The following RPL18 variants were observed in gnomAD, a reference collection of about 807,000 sequenced individuals.
The protein encoded by RPL18 is large ribosomal subunit protein eL18.
In RPL18, 4 loss-of-function variants were observed where a neutral mutation model predicts 25.0. The ratio of observed to expected loss-of-function variants is 0.16; its 90% CI spans 0.08 to 0.37. The LOEUF is 0.37. Among genes scored for constraint, RPL18 ranks in the 10% least tolerant of loss-of-function variants. RPL18 has a pLI of 1.00. For synonymous variants in RPL18, 129 were observed against 101.6 expected (o/e 1.27, Z -1.62); for missense variants, 179 against 267.9 (o/e 0.67, Z 2.32).
chr19:48,619,010 G>C, intron 1 of RPL18, 131 bp downstream of exon 1: 1 of 936,400 alleles, frequency 1.1e-6, no homozygotes. Context: ...CCCAGAGTAG[G>C]TCCCCAGTAT....
intron 4 of RPL18, chr19:48,616,500 T>G: frequency 1.4e-6 from 1 of 699,224 alleles, no homozygotes; most frequent in Admixed American, 2.0e-5. Context: ...GGGCCAGCAC[T>G]AACAGTTTAC....
intron 2 of RPL18, 82 bp downstream of exon 2, chr19:48,617,709 G>C: frequency 9.2e-7 from 1 of 1,091,710 alleles, no homozygotes; most frequent in Non-Finnish European, 1.4e-6. Context: ...CCTGGGAGGA[G>C]CTTGGTGCCA....
rs995436122 is a variant in RPL18 at position 48,618,997 on chromosome 19, G to A, written c.3+144C>T. On this transcript the variant is annotated intron_variant, in intron 1 of 6. Coordinates refer to ENST00000549920, the MANE Select transcript of RPL18 (RefSeq NM_000979.4). Reference sequence around the variant, plus strand: ...TGACTGACCCATCCCTGCTTTCCTGGCCCCCAGAGTAGGTCCCCAGTATCG... The same window carrying A: ...TGACTGACCCATCCCTGCTTTCCTGACCCCCAGAGTAGGTCCCCAGTATCG... 6 of 830,084 alleles carry A rather than the reference G, an allele frequency of 7.2e-6. No homozygotes were observed. The African/African-American group carries it at 1.0e-4, about 14-fold the overall frequency. 51.4% of individuals were successfully genotyped at this position (830,084 alleles called of 1,614,324 possible). A position where few individuals can be genotyped will look rare whatever the true frequency, so the allele number is the denominator to read the frequency against.
At position 48,616,802 on chromosome 19, in the gene RPL18, C is replaced by T; in HGVS notation, c.221G>A (p.Gly74Asp). The change falls in exon 4 of 7, where the codon GGC (glycine) becomes GAC (aspartate). Residue 74 changes from glycine to aspartate, a missense_variant. Gly to Asp is a moderately conservative substitution (Grantham distance 94). Coordinates refer to ENST00000549920, the MANE Select transcript of RPL18 (RefSeq NM_000979.4). ...AACCACGGCCGTCTTGTTTTCCCGG[C>T]CAGGAAGCTTCATCTTCCGGATCTT... is the stretch of plus-strand genomic sequence containing the variant. ...SRMIRKMKLP[G>D]RENKTAVVVG... 2 of 1,613,706 alleles carry T rather than the reference C, an allele frequency of 1.2e-6. No homozygotes were observed. The highest frequency in any genetic ancestry group is 1.7e-5 in the Admixed American group (1 of 60,012).
At chr19:48,617,506 C>A in intron 2 of RPL18, 83 bp from the exon 3 acceptor site, 1 of 1,035,150 alleles carries the variant, frequency 9.7e-7, no homozygotes, top group Non-Finnish European at 1.5e-6. Context: ...ACATGATGAT[C>A]TGGACTAAAA....
At chr19:48,617,091 A>C (rs1974198998) in intron 3 of RPL18, 1 of 704,968 alleles carries the variant, frequency 1.4e-6, no homozygotes, top group African/African-American at 1.7e-5. Flanking sequence ...TGAAGCCACC[A>C]GGACACCTCC....
At position 48,617,423 on chromosome 19, in the gene RPL18, A is replaced by T; in HGVS notation, c.91T>A (p.Leu31Ile). 1.2e-6 allele frequency: 2 copies of T among 1,611,086 alleles called. No individual in the cohort carries two copies. Among genetic ancestry groups the T allele is most frequent in the South Asian group, 2.2e-5 (2 of 91,006 alleles). The change falls in exon 3 of 7, where the codon TTA (leucine) becomes ATA (isoleucine). Residue 31 changes from leucine (L) to isoleucine (I), a missense_variant and splice_region_variant. Physicochemically the swap from Leu to Ile is conservative, Grantham distance 5 (BLOSUM62 2). Coordinates refer to ENST00000549920, the MANE Select transcript of RPL18 (RefSeq NM_000979.4). ...QDIYLRLLVK[L>I]YRFLARRTNS... Reference sequence around the variant, plus strand: ...GTTCTTCTGGCCAGAAACCTGTATAACTGGAGGGACGGGAAGACAGTGAGA... The same window carrying T: ...GTTCTTCTGGCCAGAAACCTGTATATCTGGAGGGACGGGAAGACAGTGAGA...
rs186259312 is a variant in RPL18 at position 48,615,856 on chromosome 19, G to A, written c.491+21C>T. 4 of 1,596,172 alleles carry A rather than the reference G, an allele frequency of 2.5e-6. No individual in the cohort carries two copies. In the East Asian group the frequency reaches 9.0e-5, roughly 36 times the overall value. ...CAGGCTGAGTCTGGGGAGAGGGCAG[G>A]GCTGGGGGCCTGATACTCACTTGGT... On this transcript the variant is annotated intron_variant, in intron 6 of 6. Transcript: ENST00000549920.
rs1025692210 is a variant in RPL18, at chr19:48,617,830, C to T, written c.51G>A (p.Glu17=). 2 of 1,614,218 alleles carry T rather than the reference C, an allele frequency of 1.2e-6. No homozygotes were observed. ...HNKDRKVRRK[E]PKSQDIYLRL... is the part of the protein sequence containing the mutation. ...TCAGGTAGATATCCTGGCTCTTGGG[C>T]TCCTTGCGCCGAACCTTTCGGTCCT... is the stretch of plus-strand genomic sequence containing the variant. Residue 17 remains glutamate, a synonymous_variant, in exon 2 of 7, where the codon GAG becomes GAA. Transcript: ENST00000549920.
chr19:48,617,139 G>A, intron 3 of RPL18, 177 bp downstream of exon 3: 1 of 733,714 alleles, frequency 1.4e-6, no homozygotes, highest in Non-Finnish European at 2.5e-6. Context: ...CAGGAGACTT[G>A]CCCACTGCCC....
Position 48,617,526 on chromosome 19 carries a change from T to A in RPL18, c.91-103A>T, listed in dbSNP as rs1279118828. 6 of 926,092 alleles carry A rather than the reference T, an allele frequency of 6.5e-6. No homozygotes were observed. In the East Asian group the frequency reaches 7.3e-5, roughly 11 times the overall value. The allele number at this position is 926,092 out of a possible 1,614,324, so 57.4% of individuals were successfully genotyped here. A position where few individuals can be genotyped will look rare whatever the true frequency, so the allele number is the denominator to read the frequency against. On this transcript the variant is annotated intron_variant, in intron 2 of 6. Transcript: ENST00000549920. Reference sequence around the variant, plus strand: ...ATGATCTGGACTAAAATAATCTTTATCCCTTTCCCCCAACCCACCGACCTA... The same window carrying A: ...ATGATCTGGACTAAAATAATCTTTAACCCTTTCCCCCAACCCACCGACCTA...
intron 6 of RPL18, 118 bp downstream of exon 6, chr19:48,615,759 T>C (rs1974147137): frequency 1.1e-6 from 1 of 904,872 alleles, no homozygotes; most frequent in East Asian, 2.6e-5. Context: ...CAGCTGAGAG[T>C]TCCAGAAGGC....
chr19:48,618,759 C>T (rs1366472614), intron 1 of RPL18: 2 of 291,484 alleles, frequency 6.9e-6, no homozygotes, highest in African/African-American at 2.2e-5. Flanking sequence ...TCTCGATCCT[C>T]TCACCCGCCG....
At position 48,615,405 on chromosome 19, in the gene RPL18, T is replaced by TAA. The variant is rs759466811; in HGVS notation, c.533_534insTT (p.Arg178SerfsTer2). On this transcript the variant is annotated frameshift_variant, in exon 7 of 7. Transcript: ENST00000549920. LOFTEE classifies it high-confidence loss of function. ...TGTAGCCTCGGCTGGCCCGTCGGCC[T>TAA]CTGGCACGCTCGAACTTCCGGCCCT... The TAA allele has an allele frequency of 6.2e-7, 1 of 1,613,166 alleles. No homozygotes were observed. The highest frequency in any genetic ancestry group is 8.5e-7 in the Non-Finnish European group (1 of 1,179,552).
chr19:48,618,043 A>T lies in RPL18; in HGVS notation c.4-166T>A. On this transcript the variant is annotated intron_variant, in intron 1 of 6. Transcript: ENST00000549920. Reference sequence around the variant, plus strand: ...TGTGGGCTGCCACTGATCCCTCTGTAAAAAGGGGCTGTTTACAAAGCCTTC... The same window carrying T: ...TGTGGGCTGCCACTGATCCCTCTGTTAAAAGGGGCTGTTTACAAAGCCTTC... The T allele has an allele frequency of 1.0e-5, 6 of 580,108 alleles. No individual in the cohort carries two copies. The South Asian group carries it at 1.2e-4, about 12-fold the overall frequency. The allele number at this position is 580,108 out of a possible 1,614,324, so 35.9% of individuals were successfully genotyped here. A position where few individuals can be genotyped will look rare whatever the true frequency, so the allele number is the denominator to read the frequency against.
At chr19:48,618,023 G>A in intron 1 of RPL18, 146 bp from the exon 2 acceptor site, 1 of 617,284 alleles carries the variant, frequency 1.6e-6, no homozygotes, top group Non-Finnish European at 2.9e-6. Context: ...AGACCTGTGG[G>A]CTGCCACTGA....
rs1196706280 is a variant in RPL18 at position 48,617,029 on chromosome 19, C to T, written c.199-205G>A. On this transcript the variant is annotated intron_variant, in intron 3 of 6. Transcript: ENST00000549920. Reference sequence around the variant, plus strand: ...AAATGCAGACTGTTCAATAGGGCCTCCCTCAGCAGAGCCTTTGACATAAAA... The same window carrying T: ...AAATGCAGACTGTTCAATAGGGCCTTCCTCAGCAGAGCCTTTGACATAAAA... 5.7e-6 allele frequency: 4 copies of T among 702,728 alleles called. No homozygotes were observed. In the Admixed American group the frequency reaches 6.0e-5, roughly 11 times the overall value. 43.5% of individuals were successfully genotyped at this position (702,728 alleles called of 1,614,324 possible).
chr19:48,615,703 AAC>A lies in RPL18; in HGVS notation c.491+172_491+173del, dbSNP rs1339717123. Reference sequence around the variant, plus strand: ...GGAGATGCCTGCTCAGGCCCTGGAAAACACAGCTCCAAGCAGTGTTGAAGGGA... The same window carrying A: ...GGAGATGCCTGCTCAGGCCCTGGAAAACAGCTCCAAGCAGTGTTGAAGGGA... On this transcript the variant is annotated intron_variant, in intron 6 of 6. Transcript: ENST00000549920. 10 of 676,640 alleles carry A rather than the reference AAC, an allele frequency of 1.5e-5. No homozygotes were observed. In the East Asian group the frequency reaches 1.9e-4, roughly 13 times the overall value. 41.9% of individuals were successfully genotyped at this position (676,640 alleles called of 1,614,324 possible). A position where few individuals can be genotyped will look rare whatever the true frequency, so the allele number is the denominator to read the frequency against.
At position 48,615,892 on chromosome 19, in the gene RPL18, G is replaced by A. The variant is rs752307128; in HGVS notation, c.476C>T (p.Pro159Leu). Reference protein sequence around the residue: ...YRHFGKAPGTPHSHTKPYVRS... With the variant: ...YRHFGKAPGTLHSHTKPYVRS... ...TGATACTCACTTGGTGTGGCTGTGC[G>A]GGGTTCCTGGGGCCTTGCCGAAATG... Residue 159 changes from proline (P) to leucine (L), a missense_variant, in exon 6 of 7, where the codon CCG becomes CTG. By Grantham distance (98) the Pro-to-Leu change is moderately conservative (BLOSUM62 -3). Coordinates refer to ENST00000549920, the MANE Select transcript of RPL18 (RefSeq NM_000979.4). 3.1e-6 allele frequency: 5 copies of A among 1,611,880 alleles called. No homozygotes were observed. The highest frequency in any genetic ancestry group is 4.5e-5 in the East Asian group (2 of 44,832).
Sources: allele counts gnomAD v4.1 joint callset, GRCh38; gene constraint gnomAD v4.1.1; transcripts MANE v1.5; gene names NCBI Gene and HGNC (gene_info 2026-07-23, HGNC 2026-07-21).